The following ZHX3 variants were observed in gnomAD, a reference collection of about 807,000 sequenced individuals.
ZHX3 encodes zinc fingers and homeoboxes 3.
In ZHX3, 20 loss-of-function variants were observed where a neutral mutation model predicts 64.5. The ratio of observed to expected loss-of-function variants is 0.31; its 90% CI spans 0.22 to 0.45. The LOEUF (loss-of-function observed/expected upper bound fraction) is 0.45, where lower values mean the gene tolerates loss of function less well. Ranked by LOEUF, ZHX3 falls within the 20% of genes least tolerant of loss-of-function variation. The probability of loss-of-function intolerance (pLI) is 1.00; values close to 1 mark genes in which losing one functional copy is unlikely to be tolerated. For missense variants in ZHX3, 1,041 were observed against 1,195.8 expected, an observed-to-expected ratio of 0.87 and a Z score of 1.91; for synonymous variants, 423 against 461.6, an observed-to-expected ratio of 0.92 and a Z score of 1.07.
At chr20:41,266,153 C>A (rs534002478) in intron 2 of ZHX3, among the ~76,000 whole-genome samples, 4 of 152,010 alleles carry the variant, frequency 2.6e-5, no homozygotes, top group African/African-American at 9.7e-5. Flanking sequence ...ATGGTATGTG[C>A]CTCTAAAAGT....
intron 3 of ZHX3, among the ~76,000 whole-genome samples, chr20:41,194,473 C>T (rs2037316534): frequency 6.6e-6 from 1 of 152,116 alleles, no homozygotes; most frequent in Non-Finnish European, 1.5e-5. Context: ...ATTTGGCTTG[C>T]TATTTTGTTG....
At position 41,224,339 on chromosome 20, in the gene ZHX3, A is replaced by G. The variant is rs898520596; in HGVS notation, c.-150-19273T>C. ...ATGACGCATCAACTCTCTTTTCTATATATCAGCTTTTCACACAGTTGAAGA... is the reference window on the plus strand; with the variant it reads ...ATGACGCATCAACTCTCTTTTCTATGTATCAGCTTTTCACACAGTTGAAGA... On this transcript the variant is annotated intron_variant, in intron 2 of 3. Coordinates refer to ENST00000683867, the MANE Select transcript of ZHX3 (RefSeq NM_001384317.1). The surrounding 1 kb of genome is among the most constrained non-coding windows in gnomAD (Gnocchi z 5.2). Among the ~76,000 whole-genome samples, 5 of 152,294 alleles carry G rather than the reference A, an allele frequency of 3.3e-5. No individual in the cohort carries two copies. Among genetic ancestry groups the G allele is most frequent in the Non-Finnish European group, 7.4e-5 (5 of 68,018 alleles).
chr20:41,247,156 A>G (rs375260254), intron 2 of ZHX3, among the ~76,000 whole-genome samples: 48 of 151,968 alleles, frequency 3.2e-4, no homozygotes, highest in African/African-American at 1.1e-3. Flanking sequence ...AGTTCCAGCT[A>G]CTTGGCGGGG....
chr20:41,279,169 A>AC (rs957491555), intron 1 of ZHX3, among the ~76,000 whole-genome samples: 1 of 152,236 alleles, frequency 6.6e-6, no homozygotes, highest in African/African-American at 2.4e-5. Context: ...TCCTGGGTCA[A>AC]CGAGTATGAA....
At chr20:41,254,261 A>G (rs192897340) in intron 2 of ZHX3, among the ~76,000 whole-genome samples, 21 of 152,314 alleles carry the variant, frequency 1.4e-4, no homozygotes, top group African/African-American at 4.8e-4. Context: ...TTCACCCATC[A>G]ACACGTACTA....
At chr20:41,292,528 GA>G (rs2044300808) in intron 1 of ZHX3, among the ~76,000 whole-genome samples, 1 of 152,176 alleles carries the variant, frequency 6.6e-6, no homozygotes, top group Non-Finnish European at 1.5e-5. Flanking sequence ...AAAACTTGGA[GA>G]AAAGGGAGTT....
chr20:41,304,396 G>C lies in ZHX3; in HGVS notation c.-245+13113C>G, dbSNP rs76330007. Among the ~76,000 whole-genome samples the C allele has an allele frequency of 2.4e-3, 362 of 152,256 alleles. 1 individual carries two copies. The highest frequency in any genetic ancestry group is 8.3e-3 in the African/African-American group (344 of 41,554). ...ACAATCTGGCTACACGTGCCTGCCA[G>C]TATTTCCACCTGGATTCCATGGGTG... On this transcript the variant is annotated intron_variant, in intron 1 of 3. Coordinates refer to ENST00000683867, the MANE Select transcript of ZHX3 (RefSeq NM_001384317.1).
chr20:41,227,907 C>A (rs1216569326), intron 2 of ZHX3, among the ~76,000 whole-genome samples: 1 of 152,156 alleles, frequency 6.6e-6, no homozygotes, highest in Non-Finnish European at 1.5e-5. Context: ...GATCCCCTAA[C>A]TGGCCTCTCC....
intron 1 of ZHX3, among the ~76,000 whole-genome samples, chr20:41,303,514 T>C (rs1210521495): frequency 6.6e-6 from 1 of 152,190 alleles, no homozygotes; most frequent in Non-Finnish European, 1.5e-5. Context: ...ATACCAATGC[T>C]CCACTTTACA....
chr20:41,276,071 T>C (rs992566553), intron 1 of ZHX3, among the ~76,000 whole-genome samples: 1 of 152,130 alleles, frequency 6.6e-6, no homozygotes, highest in Admixed American at 6.5e-5. Context: ...GGAGAGGAGA[T>C]GCTGTGCCCT....
intron 2 of ZHX3, among the ~76,000 whole-genome samples, chr20:41,231,057 G>A (rs2040572600): frequency 6.6e-6 from 1 of 152,122 alleles, no homozygotes; most frequent in South Asian, 2.1e-4. Context: ...GGCAACCACT[G>A]ATCATTTACT....
chr20:41,204,935 A>G lies in ZHX3; in HGVS notation c.-19T>C. ...TGGCCATGGTGACAATCACTGGGTG[A>G]TCAGCAGTTGAGAGCTTGTCCCATA... On this transcript the variant is annotated 5_prime_UTR_variant, in exon 3 of 4. Transcript: ENST00000683867. This position sits in a 1 kb window ranked among gnomAD's most constrained non-coding sequence, Gnocchi z 6.6. 6.6e-7 allele frequency: 1 copy of G among 1,521,702 alleles called. No individual in the cohort carries two copies. Among genetic ancestry groups the G allele is most frequent in the Middle Eastern group, 1.8e-4 (1 of 5,618 alleles). The allele number at this position is 1,521,702 out of a possible 1,614,324, so 94.3% of individuals were successfully genotyped here.
chr20:41,267,865 G>A (rs554247457), intron 2 of ZHX3, among the ~76,000 whole-genome samples: 1 of 152,356 alleles, frequency 6.6e-6, no homozygotes, highest in Non-Finnish European at 1.5e-5. Context: ...GAAGCAGTCA[G>A]TATGAGAGTG....
Position 41,200,786 on chromosome 20 carries a change from G to A in ZHX3, c.2860+1271C>T, listed in dbSNP as rs1025778412. 5.3e-5 allele frequency among the ~76,000 whole-genome samples: 8 copies of A among 152,086 alleles called. No homozygotes were observed. Among genetic ancestry groups the A allele is most frequent in the African/African-American group, 1.9e-4 (8 of 41,410 alleles). ...ACAGATGGATGACATGGTACTCCCC[G>A]CCCCCAACCCACCAAATTATGGGCC... On this transcript the variant is annotated intron_variant, in intron 3 of 3. Transcript: ENST00000683867. The surrounding 1 kb of genome is among the most constrained non-coding windows in gnomAD (Gnocchi z 4.2).
At chr20:41,190,108 T>A (rs2036883045) in intron 3 of ZHX3, among the ~76,000 whole-genome samples, 1 of 152,222 alleles carries the variant, frequency 6.6e-6, no homozygotes, top group South Asian at 2.1e-4. Context: ...ATGTGATGTA[T>A]TGCATTAACT....
In ZHX3 at chr20:41,185,318, A is replaced by G; in HGVS notation, c.2861-117T>C. On this transcript the variant is annotated intron_variant, in intron 3 of 3. Coordinates refer to ENST00000683867, the MANE Select transcript of ZHX3 (RefSeq NM_001384317.1). The surrounding 1 kb of genome is among the most constrained non-coding windows in gnomAD (Gnocchi z 5.0). ...CTGGCTTTGAGGACCTCTTAATTCC[A>G]TGAGCAATGAATGGCCTTCTGCCAC... 3 of 1,234,350 alleles carry G rather than the reference A, an allele frequency of 2.4e-6. No homozygotes were observed. The highest frequency in any genetic ancestry group is 3.4e-6 in the Non-Finnish European group (3 of 893,674). The allele number at this position is 1,234,350 out of a possible 1,614,324, so 76.5% of individuals were successfully genotyped here. A position where few individuals can be genotyped will look rare whatever the true frequency, so the allele number is the denominator to read the frequency against.
rs778459408 is a variant in ZHX3, at chr20:41,219,669, C to A, written c.-150-14603G>T. Among the ~76,000 whole-genome samples the A allele has an allele frequency of 7.9e-5, 12 of 152,230 alleles. No individual in the cohort carries two copies. Among genetic ancestry groups the A allele is most frequent in the Non-Finnish European group, 1.5e-4 (10 of 68,042 alleles). The stretch of plus-strand genomic sequence containing the variant: ...GGATTTTTGAAAAGATGCTAGCTAG[C>A]CCTATAACTCAAGAAGCTAACAGTC... On this transcript the variant is annotated intron_variant, in intron 2 of 3. Coordinates refer to ENST00000683867, the MANE Select transcript of ZHX3 (RefSeq NM_001384317.1). The surrounding 1 kb of genome is among the most constrained non-coding windows in gnomAD (Gnocchi z 5.0).
In ZHX3 at chr20:41,296,232, T is replaced by TAAAAA. The variant is rs57987896; in HGVS notation, c.-245+21272_-245+21276dup. ...TTCCCTTCTCCTCAAGTTCATAAAGTAAAAAAAAAAAAAAAAAAAAAAAAA... is the reference window on the plus strand; with the variant it reads ...TTCCCTTCTCCTCAAGTTCATAAAGTAAAAAAAAAAAAAAAAAAAAAAAAAAAAAA... On this transcript the variant is annotated intron_variant, in intron 1 of 3. Coordinates refer to ENST00000683867, the MANE Select transcript of ZHX3 (RefSeq NM_001384317.1). 2.6e-4 allele frequency among the ~76,000 whole-genome samples: 19 copies of TAAAAA among 73,000 alleles called. 3 individuals are homozygous for TAAAAA. The highest frequency in any genetic ancestry group is 5.1e-4 in the Non-Finnish European group (17 of 33,376). The allele number at this position is 73,000 out of a possible 152,430, so 47.9% of individuals were successfully genotyped here.
intron 1 of ZHX3, among the ~76,000 whole-genome samples, chr20:41,273,094 A>C (rs545602026): frequency 6.6e-6 from 1 of 152,126 alleles, no homozygotes; most frequent in Admixed American, 6.5e-5. Flanking sequence ...GTGAAATGGT[A>C]TATCATTGTG....
Sources: allele counts gnomAD v4.1 joint callset (sites outside exome capture counted in the v4.1 genomes callset), GRCh38; gene constraint gnomAD v4.1.1; non-coding constraint Gnocchi (gnomAD v3.1); transcripts MANE v1.5; gene names NCBI Gene and HGNC (gene_info 2026-07-23, HGNC 2026-07-21).